The following CTNNAL1 variants were observed in gnomAD, a reference collection of about 807,000 sequenced individuals.
CTNNAL1 encodes the protein alpha-catulin.
CTNNAL1 carries 69 observed loss-of-function variants against 93.6 expected under a neutral mutation model. That is an observed-to-expected ratio of 0.74 (90% CI 0.61 to 0.90). The LOEUF is 0.90. Ranked by LOEUF, CTNNAL1 falls within the 40% of genes least tolerant of loss-of-function variation. The probability of loss-of-function intolerance (pLI) is 0.00; values close to 1 mark genes in which losing one functional copy is unlikely to be tolerated. For synonymous variants in CTNNAL1, 286 were observed against 305.4 expected (o/e 0.94, Z 0.66); for missense variants, 836 against 862.0 (o/e 0.97, Z 0.38).
chr9:109,006,832 G>A (rs1173320535), intron 1 of CTNNAL1, among the ~76,000 whole-genome samples: 1 of 152,210 alleles, frequency 6.6e-6, no homozygotes. Context: ...CATTCTGCCT[G>A]GTTTTGAATT....
In CTNNAL1 at chr9:108,999,049, A is replaced by C; in HGVS notation, c.331+18T>G. 2.5e-6 allele frequency: 4 copies of C among 1,586,466 alleles called. No homozygotes were observed. The highest frequency in any genetic ancestry group is 1.4e-5 in the African/African-American group (1 of 73,684). ...ATAAAAGTGGTATGAATAGTCTTCA[A>C]AATCAATATCCACCTACCTGCTTGT... On this transcript the variant is annotated intron_variant, in intron 2 of 18. Coordinates refer to ENST00000325551, the MANE Select transcript of CTNNAL1 (RefSeq NM_003798.4).
intron 11 of CTNNAL1, 92 bp from the exon 12 acceptor site, chr9:108,955,919 C>T: frequency 1.3e-6 from 1 of 761,100 alleles, no homozygotes; most frequent in Non-Finnish European, 2.0e-6. Context: ...ATTAAACAAA[C>T]AGGAATGTTA....
intron 1 of CTNNAL1, among the ~76,000 whole-genome samples, chr9:109,003,084 C>A (rs191758199): frequency 5.9e-5 from 9 of 152,232 alleles, no homozygotes; most frequent in Admixed American, 3.9e-4. Context: ...GTCAAGAAAG[C>A]ATCTAAAGAT....
At chr9:108,985,023 C>G (rs548882008) in intron 4 of CTNNAL1, among the ~76,000 whole-genome samples, 1 of 152,186 alleles carries the variant, frequency 6.6e-6, no homozygotes, top group Non-Finnish European at 1.5e-5. Flanking sequence ...CCTAAGAAAG[C>G]ACTGTGTATT....
chr9:108,990,951 A>G, intron 3 of CTNNAL1, 106 bp from the exon 4 acceptor site: 1 of 1,350,004 alleles, frequency 7.4e-7, no homozygotes, highest in Non-Finnish European at 9.9e-7. Context: ...TTCTAGGTGA[A>G]AGCTGAGGAG....
At chr9:108,971,874 C>T (rs760296566) in intron 9 of CTNNAL1, among the ~76,000 whole-genome samples, 9 of 152,140 alleles carry the variant, frequency 5.9e-5, no homozygotes, top group Non-Finnish European at 1.0e-4. Flanking sequence ...GCATCAGTAA[C>T]TCATAATTAA....
chr9:108,970,362 T>A, intron 10 of CTNNAL1, 40 bp downstream of exon 10: 1 of 1,565,208 alleles, frequency 6.4e-7, no homozygotes, highest in South Asian at 1.2e-5. Context: ...AACACTCAGA[T>A]AGGACACAAT....
chr9:108,989,820 C>T (rs370067572), intron 4 of CTNNAL1, among the ~76,000 whole-genome samples: 89 of 152,222 alleles, frequency 5.8e-4, no homozygotes, highest in Admixed American at 1.6e-3. Context: ...GAGGCTGAGG[C>T]GGGCGGATCA....
intron 14 of CTNNAL1, among the ~76,000 whole-genome samples, chr9:108,951,626 T>C (rs570329371): frequency 1.1e-4 from 16 of 152,356 alleles, no homozygotes; most frequent in Middle Eastern, 3.4e-3. Context: ...CTATACCTTA[T>C]GTATAAATTA....
chr9:108,966,513 T>G (rs1830957561), intron 10 of CTNNAL1, among the ~76,000 whole-genome samples: 1 of 152,122 alleles, frequency 6.6e-6, no homozygotes, highest in Non-Finnish European at 1.5e-5. Flanking sequence ...GCTCTCTCCC[T>G]TCCACATCTG....
At chr9:108,958,494 G>A (rs997138183) in intron 11 of CTNNAL1, among the ~76,000 whole-genome samples, 1 of 152,058 alleles carries the variant, frequency 6.6e-6, no homozygotes, top group African/African-American at 2.4e-5. Context: ...CCATCCTTTA[G>A]TTAGACTCTG....
chr9:108,973,105 T>C (rs1831164867), intron 8 of CTNNAL1, among the ~76,000 whole-genome samples: 1 of 152,156 alleles, frequency 6.6e-6, no homozygotes, highest in Non-Finnish European at 1.5e-5. Context: ...AACCCCCTGG[T>C]GCCAGTGGTA....
chr9:108,950,350 A>G (rs1221462385), intron 14 of CTNNAL1, among the ~76,000 whole-genome samples: 1 of 152,222 alleles, frequency 6.6e-6, no homozygotes, highest in Non-Finnish European at 1.5e-5. Flanking sequence ...GGAAGACTCA[A>G]TCACAGGATA....
chr9:109,012,184 G>A (rs1272159913), intron 1 of CTNNAL1, among the ~76,000 whole-genome samples: 1 of 152,156 alleles, frequency 6.6e-6, no homozygotes, highest in East Asian at 1.9e-4. Flanking sequence ...AGGGACATGT[G>A]TAACTGCTGT....
At chr9:108,985,981 T>C (rs1385574977) in intron 4 of CTNNAL1, among the ~76,000 whole-genome samples, 2 of 151,914 alleles carry the variant, frequency 1.3e-5, no homozygotes, top group Non-Finnish European at 2.9e-5. Context: ...TCCAGAAGTA[T>C]TTTCCCAGAC....
At chr9:108,967,438 G>GT (rs1262101400) in intron 10 of CTNNAL1, among the ~76,000 whole-genome samples, 2 of 152,154 alleles carry the variant, frequency 1.3e-5, no homozygotes, top group African/African-American at 4.8e-5. Context: ...CTACATACTA[G>GT]TAGGCACTGT....
chr9:109,005,266 A>G (rs1023443232), intron 1 of CTNNAL1, among the ~76,000 whole-genome samples: 3 of 152,136 alleles, frequency 2.0e-5, no homozygotes, highest in African/African-American at 7.2e-5. Context: ...ATCACATGAA[A>G]AAAAAAAGAG....
chr9:108,990,943 C>G, intron 3 of CTNNAL1, 98 bp from the exon 4 acceptor site: 1 of 1,411,064 alleles, frequency 7.1e-7, no homozygotes, highest in Non-Finnish European at 9.4e-7. Context: ...ATTCTGAATT[C>G]TAGGTGAAAG....
At chr9:108,954,557 A>C (rs1830643417) in intron 12 of CTNNAL1, among the ~76,000 whole-genome samples, 1 of 152,208 alleles carries the variant, frequency 6.6e-6, no homozygotes, top group Non-Finnish European at 1.5e-5. Flanking sequence ...CTATAAAACC[A>C]TCTGTTAGGG....
Sources: gnomAD v4.1 joint callset for allele counts (sites outside exome capture counted in the v4.1 genomes callset) on GRCh38, gnomAD v4.1.1 for gene constraint, MANE v1.5 for transcripts, NCBI Gene and HGNC (gene_info 2026-07-23, HGNC 2026-07-21) for gene names.